LUZP2: variants seen among roughly 807,000 people sequenced by gnomAD.
LUZP2 encodes leucine zipper protein 2.
In LUZP2, 52 loss-of-function variants were observed where a neutral mutation model predicts 51.6. That is an observed-to-expected ratio of 1.01 (90% confidence interval 0.81 to 1.27). The LOEUF is 1.27. Ranked by LOEUF, LUZP2 falls within the 50% of genes most tolerant of loss-of-function variation. The probability of loss-of-function intolerance (pLI) is 0.00; values close to 1 mark genes in which losing one functional copy is unlikely to be tolerated. For missense variants in LUZP2, 436 were observed against 395.4 expected, an observed-to-expected ratio of 1.10 and a Z score of -0.87; for synonymous variants, 154 against 137.3, an observed-to-expected ratio of 1.12 and a Z score of -0.85.
At chr11:24,778,114 T>C (rs1036861847) in intron 5 of LUZP2, among the ~76,000 whole-genome samples, 1 of 151,942 alleles carries the variant, frequency 6.6e-6, no homozygotes, top group African/African-American at 2.4e-5. Flanking sequence ...ATCAAACGTA[T>C]AGTAAGCTGG....
chr11:24,610,818 G>T (rs1854093006), intron 1 of LUZP2, among the ~76,000 whole-genome samples: 1 of 152,108 alleles, frequency 6.6e-6, no homozygotes, highest in Non-Finnish European at 1.5e-5. Flanking sequence ...GGGGGCACGT[G>T]CCTGTAGTCC....
At chr11:24,744,644 T>A (rs1590437173) in intron 4 of LUZP2, among the ~76,000 whole-genome samples, 2 of 152,194 alleles carry the variant, frequency 1.3e-5, no homozygotes, top group Non-Finnish European at 2.9e-5. Context: ...ATTTTATTTA[T>A]CTTTTCTAAG....
chr11:24,760,929 T>A (rs1241691048), intron 4 of LUZP2, among the ~76,000 whole-genome samples: 1 of 152,212 alleles, frequency 6.6e-6, no homozygotes, highest in Admixed American at 6.5e-5. Flanking sequence ...ACAGTCTTAA[T>A]AATACCTTAT....
intron 1 of LUZP2, among the ~76,000 whole-genome samples, chr11:24,567,876 GAATT>G: frequency 6.6e-6 from 1 of 151,998 alleles, no homozygotes; most frequent in East Asian, 1.9e-4. Context: ...TACAATACAG[GAATT>G]ATAATCCACA....
chr11:24,749,075 T>C (rs1859483572), intron 4 of LUZP2, among the ~76,000 whole-genome samples: 1 of 152,210 alleles, frequency 6.6e-6, no homozygotes, highest in South Asian at 2.1e-4. Flanking sequence ...TTAACAAATG[T>C]ACATAGCCAT....
At chr11:24,861,279 A>G (rs1415123601) in intron 5 of LUZP2, among the ~76,000 whole-genome samples, 1 of 152,208 alleles carries the variant, frequency 6.6e-6, no homozygotes, top group East Asian at 1.9e-4. Flanking sequence ...GAATGAACAA[A>G]GCCTTCAAGA....
At chr11:24,961,649 G>C (rs1051502850) in intron 7 of LUZP2, among the ~76,000 whole-genome samples, 3 of 152,060 alleles carry the variant, frequency 2.0e-5, no homozygotes, top group Non-Finnish European at 2.9e-5. Flanking sequence ...GTCTCTGCAT[G>C]TGAGATGGGT....
intron 7 of LUZP2, among the ~76,000 whole-genome samples, chr11:24,974,769 A>T (rs544882820): frequency 2.4e-5 from 3 of 125,316 alleles, no homozygotes; most frequent in East Asian, 5.0e-4. Context: ...ACCTTACAAT[A>T]TAGATAAACT....
intron 5 of LUZP2, chr11:24,892,555 T>C: frequency 5.9e-6 from 3 of 509,464 alleles, no homozygotes; most frequent in Non-Finnish European, 7.6e-6. Context: ...TAACATTCTG[T>C]TTATAGATAA....
chr11:24,953,790 A>G (rs1336393700), intron 7 of LUZP2, among the ~76,000 whole-genome samples: 2 of 152,026 alleles, frequency 1.3e-5, no homozygotes, highest in East Asian at 3.9e-4. Flanking sequence ...AGAATCCACT[A>G]TATACCTGGC....
chr11:24,922,404 A>C (rs758096786), intron 7 of LUZP2, among the ~76,000 whole-genome samples: 47 of 152,180 alleles, frequency 3.1e-4, no homozygotes, highest in Non-Finnish European at 6.2e-4. Context: ...CCAGATATCT[A>C]TAAGGGAATT....
chr11:24,762,683 C>T (rs535497612), intron 4 of LUZP2, among the ~76,000 whole-genome samples: 1 of 152,012 alleles, frequency 6.6e-6, no homozygotes, highest in African/African-American at 2.4e-5. Context: ...ACAAAGCACT[C>T]GGGCAGGTAA....
rs567627356 is a variant in LUZP2 at position 25,002,637 on chromosome 11, G to A, written c.765+19344G>A. Among the ~76,000 whole-genome samples the A allele has an allele frequency of 2.0e-5, 3 of 152,274 alleles. No individual in the cohort carries two copies. In the East Asian group the frequency reaches 5.8e-4, roughly 30 times the overall value. The stretch of plus-strand genomic sequence containing the variant: ...ACCGCAACTACCTGCAAACAGTGAG[G>A]CCAGCCTTTTGCTACTACATCAATT... On this transcript the variant is annotated intron_variant, in intron 9 of 11. Coordinates refer to ENST00000336930, the MANE Select transcript of LUZP2 (RefSeq NM_001009909.4).
intron 1 of LUZP2, among the ~76,000 whole-genome samples, chr11:24,623,400 G>T (rs1854569467): frequency 1.3e-5 from 2 of 152,070 alleles, no homozygotes; most frequent in Non-Finnish European, 2.9e-5. Flanking sequence ...TTTTCTTTTT[G>T]TCATTTTTTT....
intron 5 of LUZP2, among the ~76,000 whole-genome samples, chr11:24,777,671 C>T (rs1848975274): frequency 6.6e-6 from 1 of 152,042 alleles, no homozygotes; most frequent in Admixed American, 6.6e-5. Context: ...AACTTATAGT[C>T]TTATTCTAAA....
chr11:25,002,133 C>A (rs1318630024), intron 9 of LUZP2, among the ~76,000 whole-genome samples: 1 of 152,172 alleles, frequency 6.6e-6, no homozygotes, highest in East Asian at 1.9e-4. Flanking sequence ...ATTCTTTTCC[C>A]CTTTCCCAAT....
intron 5 of LUZP2, among the ~76,000 whole-genome samples, chr11:24,810,525 C>T (rs940722656): frequency 1.4e-4 from 21 of 151,944 alleles, no homozygotes; most frequent in Non-Finnish European, 2.6e-4. Context: ...TTGTCCATTC[C>T]GTCCGACAAA....
chr11:24,668,172 A>G (rs555747107), intron 1 of LUZP2, among the ~76,000 whole-genome samples: 11 of 152,304 alleles, frequency 7.2e-5, no homozygotes, highest in African/African-American at 2.6e-4. Context: ...ATTACAGAAA[A>G]AGTGTGGTTT....
chr11:25,077,228 G>A, intron 10 of LUZP2, 101 bp from the exon 11 acceptor site: 3 of 885,606 alleles, frequency 3.4e-6, no homozygotes, highest in Non-Finnish European at 5.6e-6. Context: ...CAAAGTGATA[G>A]AATCTTCTCA....
Sources: gnomAD v4.1 joint callset for allele counts (sites outside exome capture counted in the v4.1 genomes callset) on GRCh38, gnomAD v4.1.1 for gene constraint, MANE v1.5 for transcripts, NCBI Gene and HGNC (gene_info 2026-07-23, HGNC 2026-07-21) for gene names.